KIF1B: variants seen among roughly 807,000 people sequenced by gnomAD.
KIF1B encodes kinesin-like protein KIF1B.
KIF1B carries 76 observed loss-of-function variants against 241.9 expected under a neutral mutation model. The ratio of observed to expected loss-of-function variants is 0.31; its 90% CI spans 0.26 to 0.38. The LOEUF is 0.38. Among genes scored for constraint, KIF1B ranks in the 10% least tolerant of loss-of-function variants. The pLI is 1.00. For missense variants in KIF1B, 1,622 were observed against 2,271.4 expected (o/e 0.71, Z 5.81); for synonymous variants, 750 against 796.7 (o/e 0.94, Z 0.99).
At chr1:10,229,503 G>A (rs1031687950) in intron 1 of KIF1B, among the ~76,000 whole-genome samples, 1 of 152,090 alleles carries the variant, frequency 6.6e-6, no homozygotes, top group Non-Finnish European at 1.5e-5. Context: ...GTGAGAGATG[G>A]ACAATAGACA....
In KIF1B at chr1:10,360,955, G is replaced by A; in HGVS notation, c.4082G>A (p.Trp1361Ter). The change falls in exon 39 of 49, where the codon TGG (tryptophan) becomes TAG (stop). Residue 1361 changes from tryptophan (W) to a stop codon, truncating the protein, a stop_gained. Coordinates refer to ENST00000676179, the MANE Select transcript of KIF1B (RefSeq NM_001365951.3). LOFTEE classifies it high-confidence loss of function. Reference protein sequence around the residue: ...SRTFYRFEAVWDSSLHNSLLL... With the variant: ...SRTFYRFEAV ...ACCTTCTACCGCTTTGAGGCTGTGTGGGATAGCTCTCTGCATAACTCCCTT... is the reference window on the plus strand; with the variant it reads ...ACCTTCTACCGCTTTGAGGCTGTGTAGGATAGCTCTCTGCATAACTCCCTT... 6.2e-7 allele frequency: 1 copy of A among 1,613,820 alleles called. No homozygotes were observed.
intron 5 of KIF1B, 128 bp downstream of exon 5, chr1:10,262,098 C>A: frequency 1.3e-6 from 1 of 744,054 alleles, no homozygotes. Context: ...TCCTTTCAGG[C>A]TATTTCTGGG....
intron 2 of KIF1B, 117 bp downstream of exon 2, chr1:10,232,551 A>G: frequency 1.3e-6 from 1 of 741,174 alleles, no homozygotes; most frequent in Non-Finnish European, 2.4e-6. Flanking sequence ...GAACTTTGCT[A>G]TTCTGAATGA....
At chr1:10,277,281 TAA>T (rs561759889) in intron 12 of KIF1B, among the ~76,000 whole-genome samples, 13 of 141,456 alleles carry the variant, frequency 9.2e-5, no homozygotes, top group Admixed American at 2.1e-4. Context: ...CTCTGTCTCT[TAA>T]AAAAAAAAAA....
chr1:10,240,127 CT>C (rs1647115397), intron 2 of KIF1B, among the ~76,000 whole-genome samples: 1 of 152,122 alleles, frequency 6.6e-6, no homozygotes, highest in African/African-American at 2.4e-5. Context: ...TGGTCTTGAA[CT>C]CCTGACCTCG....
At chr1:10,211,448 T>A (rs1477566768) in intron 1 of KIF1B, among the ~76,000 whole-genome samples, 1 of 152,064 alleles carries the variant, frequency 6.6e-6, no homozygotes, top group Admixed American at 6.5e-5. Flanking sequence ...TGAGGAAGGC[T>A]GGTGTGGTCT....
At chr1:10,316,055 C>CAAA (rs1308346575) in intron 22 of KIF1B, among the ~76,000 whole-genome samples, 2 of 25,816 alleles carry the variant, frequency 7.7e-5, no homozygotes, top group African/African-American at 2.9e-4. Flanking sequence ...AACTCCATCT[C>CAAA]AAAAAAAAAA....
chr1:10,307,431 T>C (rs1422495188), intron 22 of KIF1B: 29 of 427,052 alleles, frequency 6.8e-5, no homozygotes, highest in Non-Finnish European at 8.9e-5. Flanking sequence ...TGTCTCAGCC[T>C]CCTGGGTAGC....
chr1:10,293,584 G>A lies in KIF1B; in HGVS notation c.1590+1462G>A, dbSNP rs187407131. ...TAAGTTTTGTATTTTTAGTAGAGAC[G>A]GTTTCACCATGTTGGCCAAGGGTGG... On this transcript the variant is annotated intron_variant, in intron 17 of 48. Coordinates refer to ENST00000676179, the MANE Select transcript of KIF1B (RefSeq NM_001365951.3). Among the ~76,000 whole-genome samples the A allele has an allele frequency of 1.1e-3, 169 of 151,800 alleles. 1 individual carries two copies. The highest frequency in any genetic ancestry group is 3.8e-3 in the African/African-American group (157 of 41,430).
chr1:10,213,908 G>A (rs925086478), intron 1 of KIF1B, among the ~76,000 whole-genome samples: 5 of 151,914 alleles, frequency 3.3e-5, no homozygotes, highest in African/African-American at 4.8e-5. Context: ...AGGCTGAGGC[G>A]GGAGGATTGC....
chr1:10,310,025 G>A (rs569171865), intron 22 of KIF1B, among the ~76,000 whole-genome samples: 1 of 151,412 alleles, frequency 6.6e-6, no homozygotes, highest in South Asian at 2.1e-4. Flanking sequence ...TTTCTGCCCA[G>A]CCCACCACAA....
intron 37 of KIF1B, among the ~76,000 whole-genome samples, chr1:10,350,904 C>G (rs1652768040): frequency 6.6e-6 from 1 of 151,930 alleles, no homozygotes; most frequent in African/African-American, 2.4e-5. Flanking sequence ...TGAGACTATC[C>G]TAGACAACAT....
At position 10,365,284 on chromosome 1, in the gene KIF1B, G is replaced by A. The variant is rs777595181; in HGVS notation, c.4512+39G>A. The A allele has an allele frequency of 2.5e-5, 41 of 1,613,058 alleles. No homozygotes were observed. In the South Asian group the frequency reaches 3.2e-4, roughly 13 times the overall value. On this transcript the variant is annotated intron_variant, in intron 42 of 48. Transcript: ENST00000676179. This position sits in a 1 kb window ranked among gnomAD's most constrained non-coding sequence, Gnocchi z 4.0. ...GGGTTGTTCAGATGCAAGAACTCTC[G>A]GACAAGATTGCCAAAGTATCAGTCT... is the stretch of plus-strand genomic sequence containing the variant.
intron 14 of KIF1B, among the ~76,000 whole-genome samples, chr1:10,281,937 G>A (rs17034655): frequency 0.035 from 5,352 of 152,308 alleles, 112 homozygotes; most frequent in Middle Eastern, 0.12. Flanking sequence ...CTGGAAAAGT[G>A]TAAATCTGAA....
chr1:10,258,888 T>C (rs1206810196), intron 4 of KIF1B, among the ~76,000 whole-genome samples: 1 of 152,220 alleles, frequency 6.6e-6, no homozygotes, highest in Non-Finnish European at 1.5e-5. Flanking sequence ...GGAAAGTCAG[T>C]GTTTTGTAAT....
At chr1:10,329,857 A>G (rs1651857999) in intron 27 of KIF1B, among the ~76,000 whole-genome samples, 1 of 152,212 alleles carries the variant, frequency 6.6e-6, no homozygotes, top group East Asian at 1.9e-4. Flanking sequence ...CTATTCTCTT[A>G]TGGCATGCTG....
chr1:10,267,183 T>C (rs1648513201), intron 5 of KIF1B, among the ~76,000 whole-genome samples, 197 bp from the exon 6 acceptor site: 1 of 152,070 alleles, frequency 6.6e-6, no homozygotes, highest in African/African-American at 2.4e-5. Context: ...CACGCCTGGC[T>C]CCTTTTTGTA....
At position 10,259,974 on chromosome 1, in the gene KIF1B, TAA is replaced by T. The variant is rs760866786; in HGVS notation, c.363+1303_363+1304del. 4.9e-4 allele frequency among the ~76,000 whole-genome samples: 74 copies of T among 152,208 alleles called. 1 individual carries two copies. Among genetic ancestry groups the T allele is most frequent in the Admixed American group, 1.6e-3 (24 of 15,272 alleles). On this transcript the variant is annotated intron_variant, in intron 4 of 48. Transcript: ENST00000676179. ...TAAAAACTTAAGAAAAAAAAAAGAT[TAA>T]GTGAGAAGATTGTATTTAAAATTTT...
intron 1 of KIF1B, among the ~76,000 whole-genome samples, chr1:10,219,889 A>G (rs1406494000): frequency 1.3e-5 from 2 of 151,770 alleles, no homozygotes; most frequent in African/African-American, 4.8e-5. Flanking sequence ...GCAGTGAAGC[A>G]GGATCTCATC....
Sources: gnomAD v4.1 joint callset for allele counts (sites outside exome capture counted in the v4.1 genomes callset) on GRCh38, gnomAD v4.1.1 for gene constraint, Gnocchi (gnomAD v3.1) non-coding constraint, MANE v1.5 for transcripts, NCBI Gene and HGNC (gene_info 2026-07-23, HGNC 2026-07-21) for gene names.